PLBD2: variants seen among roughly 807,000 people sequenced by gnomAD.
PLBD2 encodes phospholipase B domain containing 2, also known as putative aminopeptidase PLBD2.
A neutral mutation model predicts 68.3 loss-of-function variants in PLBD2; 51 were observed. That is an observed-to-expected ratio of 0.75 (90% CI 0.60 to 0.94). PLBD2 has a LOEUF of 0.94. Ranked by LOEUF, PLBD2 falls within the 40% of genes least tolerant of loss-of-function variation. The pLI is 0.00. For synonymous variants in PLBD2, 314 were observed against 339.3 expected (o/e 0.93, Z 0.82); for missense variants, 729 against 792.2 (o/e 0.92, Z 0.96).
chr12:113,374,760 G>C, intron 4 of PLBD2, 33 bp from the exon 5 acceptor site: 1 of 1,609,000 alleles, frequency 6.2e-7, no homozygotes, highest in Non-Finnish European at 8.5e-7. Context: ...CACAGCAGGC[G>C]TGGTAACCCT....
chr12:113,360,803 G>A (rs1440113301), intron 1 of PLBD2, among the ~76,000 whole-genome samples: 1 of 152,174 alleles, frequency 6.6e-6, no homozygotes. Context: ...TTACAGGTGT[G>A]TGCCACCATG....
rs758665072 is a variant in PLBD2, at chr12:113,374,917, C to G, written c.769C>G (p.Leu257Val). ...CAAGCTGCTCCCTGGCCAGAGTGAC[C>G]TCCTGGTTGCCCACAACACCTGGAA... ...LIKLLPGQSD[L>V]LVAHNTWNNY... The change falls in exon 5 of 12, where the codon CTC (leucine) becomes GTC (valine). Residue 257 changes from leucine (L) to valine (V), a missense_variant. Transcript: ENST00000280800. The G allele has an allele frequency of 1.2e-6, 2 of 1,614,118 alleles. No individual in the cohort carries two copies. Among genetic ancestry groups the G allele is most frequent in the South Asian group, 1.1e-5 (1 of 91,074 alleles).
At chr12:113,362,213 G>A (rs926483269) in intron 1 of PLBD2, among the ~76,000 whole-genome samples, 1 of 152,084 alleles carries the variant, frequency 6.6e-6, no homozygotes, top group African/African-American at 2.4e-5. Context: ...GCTGGGTGTG[G>A]TTGCGCATGC....
At chr12:113,382,938 C>G (rs1382860845) in intron 6 of PLBD2, among the ~76,000 whole-genome samples, 1 of 143,006 alleles carries the variant, frequency 7.0e-6, no homozygotes, top group Non-Finnish European at 1.5e-5. Context: ...GTGGCACGAT[C>G]TCAGCTCACT....
At chr12:113,360,489 G>A (rs535190583) in intron 1 of PLBD2, among the ~76,000 whole-genome samples, 1 of 152,180 alleles carries the variant, frequency 6.6e-6, no homozygotes, top group Non-Finnish European at 1.5e-5. Context: ...TGGAGAGAAG[G>A]CTTCCTTGAT....
intron 5 of PLBD2, among the ~76,000 whole-genome samples, chr12:113,379,082 G>T (rs1445276598): frequency 1.3e-5 from 2 of 152,148 alleles, no homozygotes; most frequent in African/African-American, 4.8e-5. Context: ...GCCGAGGCTG[G>T]TGGATCACTT....
At chr12:113,385,361 ATGTTTTTAAACCCAC>A in intron 9 of PLBD2, 78 bp downstream of exon 9, 1 of 1,352,008 alleles carries the variant, frequency 7.4e-7, no homozygotes, top group East Asian at 2.3e-5. Flanking sequence ...TTCCTAGGCA[ATGTTTTTAAACCCAC>A]AGAACAAAGA....
At position 113,386,965 on chromosome 12, in the gene PLBD2, G is replaced by A. The variant is rs932183571; in HGVS notation, c.1315G>A (p.Gly439Arg). Residue 439 changes from glycine to arginine, a missense_variant, in exon 10 of 12, where the codon GGG (glycine) becomes AGG (arginine). Gly to Arg is a moderately radical substitution (Grantham distance 125, BLOSUM62 -2). Transcript: ENST00000280800. Reference protein sequence around the residue: ...PSFETVFNASGLQALVAQYGD... With the variant: ...PSFETVFNASRLQALVAQYGD... ...CTTCGAGACTGTGTTCAATGCCAGT[G>A]GGCTGCAGGCCCTAGTGGCCCAGTA... 6.2e-6 allele frequency: 10 copies of A among 1,613,118 alleles called. No homozygotes were observed.
intron 1 of PLBD2, among the ~76,000 whole-genome samples, chr12:113,363,537 CTTT>C (rs1224575042): frequency 7.5e-6 from 1 of 133,490 alleles, no homozygotes; most frequent in Non-Finnish European, 1.6e-5. Flanking sequence ...ACATTTTTAG[CTTT>C]TTTTTTTTTT....
Position 113,384,361 on chromosome 12 carries a change from C to A in PLBD2, c.1118+96C>A. The A allele has an allele frequency of 7.1e-7, 1 of 1,413,224 alleles. No homozygotes were observed. Among genetic ancestry groups the A allele is most frequent in the South Asian group, 1.3e-5 (1 of 74,114 alleles). The allele number at this position is 1,413,224 out of a possible 1,614,324, so 87.5% of individuals were successfully genotyped here. On this transcript the variant is annotated intron_variant, in intron 7 of 11. Transcript: ENST00000280800. This position sits in a 1 kb window ranked among gnomAD's most constrained non-coding sequence, Gnocchi z 4.2. ...ACTCCTGGGGACCAGATGTGGCATC[C>A]GGGCCACACACCCCACGCCCTCCTT... is the stretch of plus-strand genomic sequence containing the variant.
At chr12:113,360,378 G>A (rs1269935314) in intron 1 of PLBD2, among the ~76,000 whole-genome samples, 6 of 152,220 alleles carry the variant, frequency 3.9e-5, no homozygotes, top group Non-Finnish European at 5.9e-5. Flanking sequence ...GAACTGTTCA[G>A]GCGAGGAGGG....
intron 1 of PLBD2, among the ~76,000 whole-genome samples, chr12:113,360,751 G>A (rs1301135994): frequency 1.3e-5 from 2 of 152,222 alleles, no homozygotes; most frequent in Non-Finnish European, 2.9e-5. Context: ...CCCACCCTGG[G>A]TTCAAGCGAT....
At chr12:113,387,611 G>A (rs992724339) in intron 10 of PLBD2, 133 bp from the exon 11 acceptor site, 1 of 960,588 alleles carries the variant, frequency 1.0e-6, no homozygotes, top group Non-Finnish European at 1.6e-6. Flanking sequence ...ACTGTCGGGG[G>A]TAGTGTGCAG....
At chr12:113,375,207 A>C (rs953281806) in intron 5 of PLBD2, 200 bp downstream of exon 5, 1 of 593,538 alleles carries the variant, frequency 1.7e-6, no homozygotes, top group African/African-American at 1.9e-5. Flanking sequence ...GTACAGTGGC[A>C]CAGTCATGGC....
chr12:113,370,724 C>T (rs1214381985), intron 2 of PLBD2, among the ~76,000 whole-genome samples: 1 of 152,106 alleles, frequency 6.6e-6, no homozygotes, highest in African/African-American at 2.4e-5. Flanking sequence ...GTGATCTGCC[C>T]ACCTCGGCTT....
intron 6 of PLBD2, among the ~76,000 whole-genome samples, chr12:113,381,476 C>G (rs1272745165): frequency 6.6e-6 from 1 of 152,174 alleles, no homozygotes; most frequent in African/African-American, 2.4e-5. Context: ...AAAAACATCA[C>G]TCTAAAAAAC....
chr12:113,387,643 A>G, intron 10 of PLBD2, 101 bp from the exon 11 acceptor site: 1 of 1,324,474 alleles, frequency 7.6e-7, no homozygotes, highest in East Asian at 2.3e-5. Flanking sequence ...CATCAAGTTG[A>G]AGGCTGGCAG....
In PLBD2 at chr12:113,384,856, A is replaced by G; in HGVS notation, c.1124A>G (p.Asn375Ser). 6.2e-7 allele frequency: 1 copy of G among 1,613,898 alleles called. No homozygotes were observed. The highest frequency in any genetic ancestry group is 1.1e-5 in the South Asian group (1 of 91,040). ...IFKRFNSGTY[N>S]NQWMIVDYKA... is the part of the protein sequence containing the mutation. ...TCCCTTCCCCTGCCCGGCAGGTATA[A>G]CAACCAGTGGATGATCGTGGACTAC... The change falls in exon 8 of 12, where the codon AAC (asparagine) becomes AGC (serine). Residue 375 changes from asparagine (N) to serine (S), a missense_variant. Physicochemically the swap from Asn to Ser is conservative, Grantham distance 46 (BLOSUM62 1). Transcript: ENST00000280800. This position sits in a 1 kb window ranked among gnomAD's most constrained non-coding sequence, Gnocchi z 4.2.
chr12:113,374,724 C>T, intron 4 of PLBD2, 69 bp from the exon 5 acceptor site: 1 of 1,574,274 alleles, frequency 6.4e-7, no homozygotes, highest in African/African-American at 1.3e-5. Flanking sequence ...GCTTTCTCCT[C>T]TGCAAAATGA....
Sources: allele counts gnomAD v4.1 joint callset (sites outside exome capture counted in the v4.1 genomes callset), GRCh38; gene constraint gnomAD v4.1.1; non-coding constraint Gnocchi (gnomAD v3.1); transcripts MANE v1.5; gene names NCBI Gene and HGNC (gene_info 2026-07-23, HGNC 2026-07-21).